TULP4: variants seen among roughly 807,000 people sequenced by gnomAD.
TULP4 encodes the protein tubby-related protein 4.
Under a neutral mutation model 129.0 loss-of-function variants are expected in TULP4, and 16 were observed. The observed-to-expected ratio is 0.12, with a 90% confidence interval of 0.08 to 0.19. TULP4 has a LOEUF of 0.19. Among genes scored for constraint, TULP4 ranks in the 10% least tolerant of loss-of-function variants. The probability of loss-of-function intolerance (pLI) is 1.00; values close to 1 mark genes in which losing one functional copy is unlikely to be tolerated. For missense variants in TULP4, 1,842 were observed against 2,059.1 expected (o/e 0.89, Z 2.04); for synonymous variants, 998 against 854.0 (o/e 1.17, Z -2.94).
intron 3 of TULP4, among the ~76,000 whole-genome samples, chr6:158,433,880 C>A: frequency 6.6e-6 from 1 of 152,182 alleles, no homozygotes. Context: ...TATTAGTTTG[C>A]TTGGGCTGCC....
intron 1 of TULP4, among the ~76,000 whole-genome samples, chr6:158,406,671 A>G (rs1777983717): frequency 1.3e-5 from 2 of 152,222 alleles, no homozygotes; most frequent in South Asian, 2.1e-4. Context: ...TCTTGCTTTA[A>G]TGGAAGAATC....
At chr6:158,366,586 G>A (rs1780969662) in intron 1 of TULP4, among the ~76,000 whole-genome samples, 2 of 152,164 alleles carry the variant, frequency 1.3e-5, no homozygotes, top group South Asian at 4.1e-4. Flanking sequence ...CTTCCTAACT[G>A]GGGTGTGCCT....
chr6:158,266,751 A>G (rs1167658414), intron 1 of TULP4, among the ~76,000 whole-genome samples: 1 of 152,256 alleles, frequency 6.6e-6, no homozygotes, highest in Non-Finnish European at 1.5e-5. Flanking sequence ...GTTATGTGCA[A>G]ATAATATGCC....
chr6:158,424,024 A>T (rs1181937887), intron 2 of TULP4, among the ~76,000 whole-genome samples: 1 of 152,164 alleles, frequency 6.6e-6, no homozygotes, highest in Non-Finnish European at 1.5e-5. Flanking sequence ...CACATATCTG[A>T]TAAAGGATTA....
chr6:158,502,599 A>G lies in TULP4; in HGVS notation c.2936A>G (p.Asp979Gly). ...GGGCGGGGGGCTGCCCAGAGGTCCG[A>G]CAATAGCCTCATCCACGCTACCCTG... is the stretch of plus-strand genomic sequence containing the variant. ...AQGRGAAQRSDNSLIHATLRR... is the reference protein window; with the variant it reads ...AQGRGAAQRSGNSLIHATLRR... Residue 979 changes from aspartate (D) to glycine (G), a missense_variant, in exon 13 of 14, where the codon GAC becomes GGC. Transcript: ENST00000367097. 1.2e-6 allele frequency: 2 copies of G among 1,601,126 alleles called. No homozygotes were observed. Among genetic ancestry groups the G allele is most frequent in the Non-Finnish European group, 1.7e-6 (2 of 1,179,676 alleles).
intron 5 of TULP4, among the ~76,000 whole-genome samples, chr6:158,459,157 G>A (rs542615777): frequency 5.3e-5 from 8 of 152,290 alleles, no homozygotes; most frequent in East Asian, 3.9e-4. Flanking sequence ...CTGGCCGGGC[G>A]CGGTGGCTCA....
intron 2 of TULP4, among the ~76,000 whole-genome samples, chr6:158,414,280 G>A (rs1778158078): frequency 6.6e-6 from 1 of 152,290 alleles, no homozygotes; most frequent in Middle Eastern, 3.4e-3. Context: ...CCATTAACTG[G>A]CCTTCTTGAA....
At position 158,429,858 on chromosome 6, in the gene TULP4, T is replaced by G. The variant is rs1778589238; in HGVS notation, c.504T>G (p.Ser168Arg). Residue 168 changes from serine (S) to arginine (R), a missense_variant, in exon 3 of 14, where the codon AGT becomes AGG. Ser to Arg is a moderately radical substitution (Grantham distance 110). This residue lies in a region of TULP4 where 151 missense variants were observed against 268.7 expected (regional missense o/e 0.56). Coordinates refer to ENST00000367097, the MANE Select transcript of TULP4 (RefSeq NM_020245.5). ...GGTCATCCGAAATCAACTTGGAAAG[T>G]CAAATTACGTGTGGCATATGGACTC... ...RHWSSEINLE[S>R]QITCGIWTPD... The G allele has an allele frequency of 6.2e-7, 1 of 1,613,876 alleles. No homozygotes were observed. The highest frequency in any genetic ancestry group is 1.3e-5 in the African/African-American group (1 of 74,858).
chr6:158,268,035 C>CT (rs773811376), intron 1 of TULP4, among the ~76,000 whole-genome samples: 9,948 of 72,720 alleles, frequency 0.14, 502 homozygotes, highest in East Asian at 0.19. Context: ...TTTCTTTTTT[C>CT]TTTTTTTTTT....
At chr6:158,401,565 G>A (rs1042582169) in intron 1 of TULP4, among the ~76,000 whole-genome samples, 7 of 151,552 alleles carry the variant, frequency 4.6e-5, no homozygotes, top group East Asian at 2.0e-4. Flanking sequence ...GAGTTGTGCC[G>A]AGCCTCTTTC....
rs1445342531 is a variant in TULP4, at chr6:158,312,841, C to T, written c.-1176C>T. 1 of 152,168 alleles carries T rather than the reference C, an allele frequency of 6.6e-6. No individual in the cohort carries two copies. The highest frequency in any genetic ancestry group is 1.5e-5 in the Non-Finnish European group (1 of 68,040). 9.4% of individuals were successfully genotyped at this position (152,168 alleles called of 1,614,324 possible). A position where few individuals can be genotyped will look rare whatever the true frequency, so the allele number is the denominator to read the frequency against. On this transcript the variant is annotated 5_prime_UTR_variant, in exon 1 of 14. Coordinates refer to ENST00000367097, the MANE Select transcript of TULP4 (RefSeq NM_020245.5). ...CTCTGAATGTGAACAGGAAAGCACC[C>T]ATCAGCAAAACACTATCACTCTCTA...
At chr6:158,460,737 C>G (rs1252700622) in intron 5 of TULP4, among the ~76,000 whole-genome samples, 2 of 152,156 alleles carry the variant, frequency 1.3e-5, no homozygotes, top group Non-Finnish European at 2.9e-5. Flanking sequence ...TGAACCTTAT[C>G]TGCCCAGTAG....
chr6:158,504,124 G>T lies in TULP4; in HGVS notation c.4461G>T (p.Gly1487=). ...ATQVYQLDFG[G]RVTQESAKNF... Reference sequence around the variant, plus strand: ...AGGTCTACCAGCTGGACTTCGGGGGGCGGGTGACCCAGGAGTCCGCCAAGA... The same window carrying T: ...AGGTCTACCAGCTGGACTTCGGGGGTCGGGTGACCCAGGAGTCCGCCAAGA... The change falls in exon 13 of 14, where the codon GGG becomes GGT. Residue 1487 remains glycine, a synonymous_variant. Coordinates refer to ENST00000367097, the MANE Select transcript of TULP4 (RefSeq NM_020245.5). The T allele has an allele frequency of 6.2e-7, 1 of 1,608,436 alleles. No individual in the cohort carries two copies. Among genetic ancestry groups the T allele is most frequent in the African/African-American group, 1.3e-5 (1 of 75,014 alleles).
At position 158,503,218 on chromosome 6, in the gene TULP4, T is replaced by C. The variant is rs369676597; in HGVS notation, c.3555T>C (p.Tyr1185=). ...CCACTGCCACTTTCCAAACAGGCTA[T>C]GGGATGGGAGTGCCATATCCAGGAA... The part of the protein sequence containing the change: ...ASPTATFQTG[Y]GMGVPYPGSY... Residue 1185 remains tyrosine (Y), a synonymous_variant, in exon 13 of 14, where the codon TAT becomes TAC. Coordinates refer to ENST00000367097, the MANE Select transcript of TULP4 (RefSeq NM_020245.5). This position sits in a 1 kb window ranked among gnomAD's most constrained non-coding sequence, Gnocchi z 4.3. 6.2e-6 allele frequency: 10 copies of C among 1,614,034 alleles called. No homozygotes were observed. In the African/African-American group the frequency reaches 6.7e-5, roughly 11 times the overall value.
chr6:158,388,322 CTTTTTTTTT>C (rs10650311), intron 1 of TULP4, among the ~76,000 whole-genome samples: 3 of 86,260 alleles, frequency 3.5e-5, no homozygotes, highest in East Asian at 4.2e-4. Flanking sequence ...GCTCGTTTTT[CTTTTTTTTT>C]TTTTTTTTTT....
intron 13 of TULP4, among the ~76,000 whole-genome samples, chr6:158,504,457 C>T (rs552856483): frequency 6.6e-6 from 1 of 152,140 alleles, no homozygotes; most frequent in East Asian, 1.9e-4. Context: ...CGCCATTCTC[C>T]CGCCTCAGCC....
chr6:158,275,898 A>G (rs116619792), intron 1 of TULP4, among the ~76,000 whole-genome samples: 161 of 152,330 alleles, frequency 1.1e-3, no homozygotes, highest in African/African-American at 3.8e-3. Flanking sequence ...TGCTGTGAAT[A>G]TAGGAGTATA....
chr6:158,333,518 G>A (rs182144382), intron 1 of TULP4, among the ~76,000 whole-genome samples: 14 of 152,322 alleles, frequency 9.2e-5, no homozygotes, highest in African/African-American at 3.4e-4. Context: ...GCACAAGCAG[G>A]CTAATACAGA....
At chr6:158,474,592 G>T (rs1162248509) in intron 6 of TULP4, among the ~76,000 whole-genome samples, 1 of 152,154 alleles carries the variant, frequency 6.6e-6, no homozygotes, top group Non-Finnish European at 1.5e-5. Context: ...CCTTGCTGTT[G>T]CTCTGGCTCT....
Sources: gnomAD v4.1 joint callset for allele counts (sites outside exome capture counted in the v4.1 genomes callset) on GRCh38, gnomAD v4.1.1 for gene constraint, gnomAD v4.1.1 regional missense constraint, Gnocchi (gnomAD v3.1) non-coding constraint, MANE v1.5 for transcripts, NCBI Gene and HGNC (gene_info 2026-07-23, HGNC 2026-07-21) for gene names.